NAPRT: variants seen among roughly 807,000 people sequenced by gnomAD.
NAPRT encodes FHA-HIT-interacting protein.
In NAPRT, 66 loss-of-function variants were observed where a neutral mutation model predicts 60.7. The observed-to-expected ratio is 1.09, with a 90% CI of 0.89 to 1.33. The LOEUF (loss-of-function observed/expected upper bound fraction) is 1.33. NAPRT is among the 40% of genes most tolerant of loss of function. NAPRT has a pLI of 0.00. For synonymous variants in NAPRT, 405 were observed against 335.7 expected, an observed-to-expected ratio of 1.21 and a Z score of -2.26; for missense variants, 818 against 731.5, an observed-to-expected ratio of 1.12 and a Z score of -1.36.
intron 8 of NAPRT, 98 bp from the exon 9 acceptor site, chr8:143,575,800 G>T: frequency 1.9e-6 from 1 of 525,618 alleles, no homozygotes; most frequent in Non-Finnish European, 2.8e-6. Context: ...TGCCCTGGGT[G>T]GGGAAGGGGG....
At position 143,578,113 on chromosome 8, in the gene NAPRT, G is replaced by GCGCGCAGGAAGCGCACACAGT. The variant is rs1417416065; in HGVS notation, c.185_205dup (p.Asp62_Arg68dup). 6.6e-6 allele frequency: 10 copies of GCGCGCAGGAAGCGCACACAGT among 1,526,062 alleles called. No individual in the cohort carries two copies. Among genetic ancestry groups the GCGCGCAGGAAGCGCACACAGT allele is most frequent in the Non-Finnish European group, 8.7e-6 (10 of 1,143,634 alleles). 94.5% of individuals were successfully genotyped at this position (1,526,062 alleles called of 1,614,324 possible). A position where few individuals can be genotyped will look rare whatever the true frequency, so the allele number is the denominator to read the frequency against. The stretch of plus-strand genomic sequence containing the variant: ...ACTACCGGCGTCCCGCAGGCGGAAG[G>GCGCGCAGGAAGCGCACACAGT]CGCGCAGGAAGCGCACACAGTCGCG... On this transcript the variant is annotated inframe_insertion, in exon 1 of 13. Coordinates refer to ENST00000449291, the MANE Select transcript of NAPRT (RefSeq NM_145201.6).
At chr8:143,577,467 C>T (rs1824558435) in intron 3 of NAPRT, 68 bp from the exon 4 acceptor site, 1 of 1,529,066 alleles carries the variant, frequency 6.5e-7, no homozygotes, top group Admixed American at 2.0e-5. Context: ...CGGCGGTTAC[C>T]TGGGGCCTGG....
At chr8:143,577,484 C>T in intron 3 of NAPRT, 85 bp from the exon 4 acceptor site, 4 of 1,494,748 alleles carry the variant, frequency 2.7e-6, no homozygotes, top group Non-Finnish European at 3.6e-6. Context: ...CTGGAACTTC[C>T]AACCTGGGAG....
chr8:143,574,774 A>G (rs1824306769), downstream of NAPRT: 14 of 1,542,572 alleles, frequency 9.1e-6, no homozygotes, highest in Non-Finnish European at 1.1e-5. Context: ...CACAAACAAC[A>G]CAGGACAAGC....
chr8:143,574,183 G>A (rs1824256048), downstream of NAPRT, among the ~76,000 whole-genome samples: 1 of 152,258 alleles, frequency 6.6e-6, no homozygotes, highest in Non-Finnish European at 1.5e-5. Flanking sequence ...CTGGCCAGGT[G>A]TCTGGGGCTG....
At chr8:143,577,488 C>T in intron 3 of NAPRT, 89 bp from the exon 4 acceptor site, 1 of 1,482,370 alleles carries the variant, frequency 6.7e-7, no homozygotes, top group Non-Finnish European at 9.1e-7. Context: ...AACTTCCAAC[C>T]TGGGAGCTCC....
chr8:143,575,433 C>T lies in NAPRT; in HGVS notation c.1281G>A (p.Leu427=). 6.3e-7 allele frequency: 1 copy of T among 1,591,380 alleles called. No homozygotes were observed. Reference sequence around the variant, plus strand: ...ATGGGAGGGCCTCACCGTCAGAGCCCAGGAGCCGGAAAGCAGCCTTGCTCC... The same window carrying T: ...ATGGGAGGGCCTCACCGTCAGAGCCTAGGAGCCGGAAAGCAGCCTTGCTCC... ...LPGSKAAFRL[L]GSDGSPLMDM... Residue 427 remains leucine (L), a synonymous_variant, in exon 10 of 13, where the codon CTG becomes CTA. Coordinates refer to ENST00000449291, the MANE Select transcript of NAPRT (RefSeq NM_145201.6).
chr8:143,576,626 C>A lies in NAPRT; in HGVS notation c.881+20G>T. The A allele has an allele frequency of 6.2e-7, 1 of 1,605,550 alleles. No individual in the cohort carries two copies. The highest frequency in any genetic ancestry group is 8.5e-7 in the Non-Finnish European group (1 of 1,174,996). The stretch of plus-strand genomic sequence containing the variant: ...CTGCTGAGGTTCTGCTGAGCCCACC[C>A]CTAAAGTGCCCGGGCTCACCTCCAC... On this transcript the variant is annotated intron_variant, in intron 6 of 12. Coordinates refer to ENST00000449291, the MANE Select transcript of NAPRT (RefSeq NM_145201.6).
At position 143,578,094 on chromosome 8, in the gene NAPRT, G is replaced by A. The variant is rs771762910; in HGVS notation, c.225C>T (p.Ala75=). 14 of 1,522,938 alleles carry A rather than the reference G, an allele frequency of 9.2e-6. No individual in the cohort carries two copies. The highest frequency in any genetic ancestry group is 2.1e-4 in the Middle Eastern group (1 of 4,728). The allele number at this position is 1,522,938 out of a possible 1,614,324, so 94.3% of individuals were successfully genotyped here. The change falls in exon 1 of 13, where the codon GCC becomes GCT. Residue 75 remains alanine, a splice_region_variant and synonymous_variant. Coordinates refer to ENST00000449291, the MANE Select transcript of NAPRT (RefSeq NM_145201.6). ...CTCGTCGCGCGGACGGGGGACTACC[G>A]GCGTCCCGCAGGCGGAAGGCGCGCA... The part of the protein sequence containing the change: ...RFLRAFRLRD[A]DVQFLASVLP...
In NAPRT at chr8:143,577,362, C is replaced by A. The variant is rs772329646; in HGVS notation, c.475G>T (p.Ala159Ser). ...ATNAARLRLIAGPEKRLLEMG... is the reference protein window; with the variant it reads ...ATNAARLRLISGPEKRLLEMG... ...TCTAGCAGCCGCTTCTCTGGCCCTG[C>A]GATCAAGCGAAGCCGCGCTGCGTTG... The change falls in exon 4 of 13, where the codon GCA becomes TCA. Residue 159 changes from alanine (A) to serine (S), a missense_variant. By Grantham distance (99) the Ala-to-Ser change is moderately conservative. Transcript: ENST00000449291. 1 of 1,607,942 alleles carries A rather than the reference C, an allele frequency of 6.2e-7. No individual in the cohort carries two copies. The highest frequency in any genetic ancestry group is 8.5e-7 in the Non-Finnish European group (1 of 1,178,200).
chr8:143,574,778 G>A (rs1486497723), downstream of NAPRT: 3 of 1,542,106 alleles, frequency 1.9e-6, no homozygotes, highest in Admixed American at 2.0e-5. Context: ...AACAACACAG[G>A]ACAAGCTGTG....
rs1297272126 is a variant in NAPRT, at chr8:143,577,670, C to T, written c.424G>A (p.Val142Ile). The T allele has an allele frequency of 6.5e-7, 1 of 1,539,492 alleles. No homozygotes were observed. Among genetic ancestry groups the T allele is most frequent in the South Asian group, 1.2e-5 (1 of 84,072 alleles). The part of the protein sequence containing the change: ...QLLETPLLCL[V>I]SYASLVATNA... ...CCCGCAGCCCACCTGGCGTAGCTGA[C>T]CAGGCAGAGCAGCGGTGTCTCCAGC... Residue 142 changes from valine (V) to isoleucine (I), a missense_variant, in exon 3 of 13, where the codon GTC (valine) becomes ATC (isoleucine). Coordinates refer to ENST00000449291, the MANE Select transcript of NAPRT (RefSeq NM_145201.6).
At position 143,575,701 on chromosome 8, in the gene NAPRT, C is replaced by T; in HGVS notation, c.1109G>A (p.Gly370Asp). 1.3e-6 allele frequency: 2 copies of T among 1,576,592 alleles called. No homozygotes were observed. The highest frequency in any genetic ancestry group is 1.7e-6 in the Non-Finnish European group (2 of 1,161,782). The change falls in exon 9 of 13, where the codon GGC becomes GAC. Residue 370 changes from glycine to aspartate, a missense_variant and splice_region_variant. Physicochemically the swap from Gly to Asp is moderately conservative, Grantham distance 94. Coordinates refer to ENST00000449291, the MANE Select transcript of NAPRT (RefSeq NM_145201.6). ...AATGCCAATGACATTCACCTCACTG[C>T]CCTGGGTGGGGAAGGGGGTGGCCGT... ...EEALARLAQE[G>D]SEVNVIGIGT...
chr8:143,573,211 G>A (rs1263195260), downstream of NAPRT, among the ~76,000 whole-genome samples: 1 of 152,184 alleles, frequency 6.6e-6, no homozygotes, highest in Non-Finnish European at 1.5e-5. Context: ...CGCTGGCTCC[G>A]CCCCCTGCAC....
In NAPRT at chr8:143,576,191, G is replaced by C. The variant is rs757297169; in HGVS notation, c.1023-29C>G. On this transcript the variant is annotated intron_variant, in intron 7 of 12. Coordinates refer to ENST00000449291, the MANE Select transcript of NAPRT (RefSeq NM_145201.6). ...CCGCGTGGGTGGAGAAAGGGTGGGG[G>C]CCACCCCTCGGGTCTTCCTGATTCA... The C allele has an allele frequency of 3.9e-6, 6 of 1,556,802 alleles. No homozygotes were observed. In the Admixed American group the frequency reaches 9.3e-5, roughly 24 times the overall value.
Position 143,576,227 on chromosome 8 carries a change from C to T in NAPRT, c.1023-65G>A. On this transcript the variant is annotated intron_variant, in intron 7 of 12. Coordinates refer to ENST00000449291, the MANE Select transcript of NAPRT (RefSeq NM_145201.6). ...GGTCTTCCTGATTCACCCTGGTGTC[C>T]CCCTGCTCCCCGCCCCGCCTCAGTC... 2.1e-6 allele frequency: 3 copies of T among 1,461,312 alleles called. No individual in the cohort carries two copies. The South Asian group carries it at 4.0e-5, about 19-fold the overall frequency. 90.5% of individuals were successfully genotyped at this position (1,461,312 alleles called of 1,614,324 possible). A position where few individuals can be genotyped will look rare whatever the true frequency, so the allele number is the denominator to read the frequency against.
chr8:143,576,325 G>T, intron 7 of NAPRT, 107 bp downstream of exon 7: 1 of 1,466,786 alleles, frequency 6.8e-7, no homozygotes, highest in Non-Finnish European at 9.2e-7. Context: ...GCCACGGCCT[G>T]CAGTATCACC....
At chr8:143,573,318 G>T (rs1222905661), downstream of NAPRT, among the ~76,000 whole-genome samples, 1 of 152,204 alleles carries the variant, frequency 6.6e-6, no homozygotes, top group Non-Finnish European at 1.5e-5. Flanking sequence ...GAGGAGCGGT[G>T]GCCCCTCCAG....
At chr8:143,574,728 C>T (rs191092724), downstream of NAPRT, 76 of 1,347,518 alleles carry the variant, frequency 5.6e-5, no homozygotes, top group East Asian at 1.0e-3. Flanking sequence ...AGCCGCAGCC[C>T]GGGAGGCGCA....
Sources: gnomAD v4.1 joint callset for allele counts (sites outside exome capture counted in the v4.1 genomes callset) on GRCh38, gnomAD v4.1.1 for gene constraint, MANE v1.5 for transcripts, NCBI Gene and HGNC (gene_info 2026-07-23, HGNC 2026-07-21) for gene names.